Variants in EBF3 observed in about 807,000 individuals in gnomAD.
EBF3 encodes transcription factor COE3.
EBF3 carries 18 observed loss-of-function variants against 77.1 expected under a neutral mutation model. The ratio of observed to expected loss-of-function variants is 0.23; its 90% CI spans 0.16 to 0.35. The LOEUF (loss-of-function observed/expected upper bound fraction) is 0.35, where lower values mean the gene tolerates loss of function less well. Among genes scored for constraint, EBF3 ranks in the 10% least tolerant of loss-of-function variants. EBF3 has a pLI of 1.00. For missense variants in EBF3, 558 were observed against 860.0 expected (o/e 0.65, Z 4.39); for synonymous variants, 350 against 343.5 (o/e 1.02, Z -0.21).
chr10:129,930,773 A>G (rs1463108412), intron 6 of EBF3, among the ~76,000 whole-genome samples: 1 of 144,658 alleles, frequency 6.9e-6, no homozygotes. Context: ...TCATATACCT[A>G]TATCTATACC....
chr10:129,904,299 G>A (rs1854981641), intron 6 of EBF3, among the ~76,000 whole-genome samples: 1 of 152,190 alleles, frequency 6.6e-6, no homozygotes, highest in African/African-American at 2.4e-5. Context: ...TCACCCCAGA[G>A]TCATCATTCC....
intron 10 of EBF3, among the ~76,000 whole-genome samples, chr10:129,860,178 G>A (rs1414324273): frequency 6.6e-6 from 1 of 152,052 alleles, no homozygotes; most frequent in Non-Finnish European, 1.5e-5. Context: ...ACTCCAAGCT[G>A]TTTTCAGAAG....
chr10:129,848,574 C>T lies in EBF3; in HGVS notation c.1040-94G>A, dbSNP rs894259063. The T allele has an allele frequency of 8.2e-5, 109 of 1,336,512 alleles. No homozygotes were observed. The highest frequency in any genetic ancestry group is 1.1e-4 in the Non-Finnish European group (106 of 928,742). 82.8% of individuals were successfully genotyped at this position (1,336,512 alleles called of 1,614,324 possible). On this transcript the variant is annotated intron_variant, in intron 10 of 16. Coordinates refer to ENST00000440978, the MANE Select transcript of EBF3 (RefSeq NM_001375380.1). The surrounding 1 kb of genome is among the most constrained non-coding windows in gnomAD (Gnocchi z 4.4). ...CACTTACAAATAAATGTGTAGTTCT[C>T]CTGCTCTGATGCTCTCTAAGGCAAG...
Position 129,842,392 on chromosome 10 carries a change from G to T in EBF3, c.1195-99C>A. 7.3e-7 allele frequency: 1 copy of T among 1,368,726 alleles called. No individual in the cohort carries two copies. The highest frequency in any genetic ancestry group is 9.8e-7 in the Non-Finnish European group (1 of 1,016,902). 84.8% of individuals were successfully genotyped at this position (1,368,726 alleles called of 1,614,324 possible). A position where few individuals can be genotyped will look rare whatever the true frequency, so the allele number is the denominator to read the frequency against. On this transcript the variant is annotated intron_variant, in intron 12 of 16. Transcript: ENST00000440978. The surrounding 1 kb of genome is among the most constrained non-coding windows in gnomAD (Gnocchi z 4.4). ...CCATGGTGGCATCCCACTGTCCCTTGCCCAGACCATGACCAAATCTATTTC... is the reference window on the plus strand; with the variant it reads ...CCATGGTGGCATCCCACTGTCCCTTTCCCAGACCATGACCAAATCTATTTC...
chr10:129,849,473 C>G (rs1850705464), intron 10 of EBF3, among the ~76,000 whole-genome samples: 1 of 152,218 alleles, frequency 6.6e-6, no homozygotes, highest in Non-Finnish European at 1.5e-5. Flanking sequence ...GATTAACACG[C>G]CCCACCTCAG....
At chr10:129,959,415 A>G (rs930727418) in intron 4 of EBF3, among the ~76,000 whole-genome samples, 1 of 152,034 alleles carries the variant, frequency 6.6e-6, no homozygotes, top group Non-Finnish European at 1.5e-5. Flanking sequence ...CCGCGTCCTC[A>G]GGCCATTGTC....
rs111569884 is a variant in EBF3, at chr10:129,928,786, G to A, written c.554+28472C>T. Among the ~76,000 whole-genome samples the A allele has an allele frequency of 2.6e-3, 397 of 152,232 alleles. 2 individuals are homozygous for A. The highest frequency in any genetic ancestry group is 9.3e-3 in the African/African-American group (385 of 41,528). On this transcript the variant is annotated intron_variant, in intron 6 of 16. Transcript: ENST00000440978. ...TTTTCTGTTCTGAGAGTCAGTTTAC[G>A]GCTGACCATTGAGATGAGCACTGCA...
rs72837150 is a variant in EBF3, at chr10:129,871,365, A to T, written c.781+2087T>A. Among the ~76,000 whole-genome samples, 879 of 152,332 alleles carry T rather than the reference A, an allele frequency of 5.8e-3. 5 individuals carry two copies. The highest frequency in any genetic ancestry group is 0.01 in the Non-Finnish European group (709 of 68,032). ...GCCTTGCTTTTTGTGAGCTCAAAGG[A>T]CGCCGTGGCAGACATCCACAGCAGC... On this transcript the variant is annotated intron_variant, in intron 8 of 16. Coordinates refer to ENST00000440978, the MANE Select transcript of EBF3 (RefSeq NM_001375380.1).
At chr10:129,927,802 T>C (rs1856772865) in intron 6 of EBF3, among the ~76,000 whole-genome samples, 1 of 152,304 alleles carries the variant, frequency 6.6e-6, no homozygotes, top group African/African-American at 2.4e-5. Context: ...GAGTCTGCTA[T>C]GTAAGCAGCT....
chr10:129,963,641 G>A lies in EBF3; in HGVS notation c.128C>T (p.Ala43Val). ...TAGVVDANTA[A>V]QSGVGLARAH... is the part of the protein sequence containing the mutation. Reference sequence around the variant, plus strand: ...GGGGGCGGCCGGTACGTACCTCTGGGCGGCCGTGTTGGCGTCCACCACGCC... The same window carrying A: ...GGGGGCGGCCGGTACGTACCTCTGGACGGCCGTGTTGGCGTCCACCACGCC... The change falls in exon 1 of 17, where the codon GCC becomes GTC. Residue 43 changes from alanine to valine, a missense_variant. By Grantham distance (64) the Ala-to-Val change is moderately conservative. Transcript: ENST00000440978. This position sits in a 1 kb window ranked among gnomAD's most constrained non-coding sequence, Gnocchi z 7.1. 6.8e-7 allele frequency: 1 copy of A among 1,469,794 alleles called. No individual in the cohort carries two copies. Among genetic ancestry groups the A allele is most frequent in the Admixed American group, 2.0e-5 (1 of 49,324 alleles). 91.0% of individuals were successfully genotyped at this position (1,469,794 alleles called of 1,614,324 possible). A position where few individuals can be genotyped will look rare whatever the true frequency, so the allele number is the denominator to read the frequency against.
At chr10:129,946,426 C>A (rs138610277) in intron 6 of EBF3, among the ~76,000 whole-genome samples, 11 of 152,310 alleles carry the variant, frequency 7.2e-5, no homozygotes, top group African/African-American at 2.4e-4. Context: ...GACAAATGTC[C>A]CGAACCCGGT....
Position 129,873,479 on chromosome 10 carries a change from C to A in EBF3, c.754G>T (p.Gly252Cys). The A allele has an allele frequency of 6.3e-7, 1 of 1,579,986 alleles. No individual in the cohort carries two copies. Among genetic ancestry groups the A allele is most frequent in the Non-Finnish European group, 8.6e-7 (1 of 1,160,674 alleles). ...TTTTCCAGATAAGAAGGGGCCGTAC[C>A]TTCTGACGGGTCTAGGCGGCGGGCC... ...RRARRLDPSE[G>C]TAPSYLENAT... The change falls in exon 8 of 17, where the codon GGT becomes TGT. Residue 252 changes from glycine (G) to cysteine (C), a missense_variant. Gly to Cys is a radical substitution (Grantham distance 159). Coordinates refer to ENST00000440978, the MANE Select transcript of EBF3 (RefSeq NM_001375380.1).
rs1850165047 is a variant in EBF3, at chr10:129,842,721, C to G, written c.1194+416G>C. On this transcript the variant is annotated intron_variant, in intron 12 of 16. Coordinates refer to ENST00000440978, the MANE Select transcript of EBF3 (RefSeq NM_001375380.1). This position sits in a 1 kb window ranked among gnomAD's most constrained non-coding sequence, Gnocchi z 4.4. ...GGAGGTTGCAGTGAACCGACACTGC[C>G]CTACTGCACTCCAGCCTGGGTGACA... is the stretch of plus-strand genomic sequence containing the variant. 6.8e-6 allele frequency among the ~76,000 whole-genome samples: 1 copy of G among 147,424 alleles called. No individual in the cohort carries two copies. The highest frequency in any genetic ancestry group is 2.6e-5 in the African/African-American group (1 of 39,142).
chr10:129,937,010 T>G (rs1246350826), intron 6 of EBF3, among the ~76,000 whole-genome samples: 1 of 152,190 alleles, frequency 6.6e-6, no homozygotes, highest in Non-Finnish European at 1.5e-5. Flanking sequence ...CCCGCGACAG[T>G]GCATCTCCTA....
rs189349474 is a variant in EBF3, at chr10:129,924,204, C to G, written c.554+33054G>C. 8.1e-4 allele frequency among the ~76,000 whole-genome samples: 123 copies of G among 152,258 alleles called. 1 individual carries two copies. Among genetic ancestry groups the G allele is most frequent in the African/African-American group, 2.9e-3 (119 of 41,540 alleles). Reference sequence around the variant, plus strand: ...CCAAGGCAGGTGGATCACCTGAGGTCAAGAGATCGAGAACAGCCTGGCCAA... The same window carrying G: ...CCAAGGCAGGTGGATCACCTGAGGTGAAGAGATCGAGAACAGCCTGGCCAA... On this transcript the variant is annotated intron_variant, in intron 6 of 16. Transcript: ENST00000440978.
intron 4 of EBF3, among the ~76,000 whole-genome samples, chr10:129,961,782 G>T (rs769730448): frequency 6.6e-6 from 1 of 152,102 alleles, no homozygotes; most frequent in Admixed American, 6.5e-5. Context: ...AGTCCAACTC[G>T]ATGGGCTTAG....
At chr10:129,868,006 GA>G (rs1852150662) in intron 8 of EBF3, 94 bp from the exon 9 acceptor site, 96 of 1,535,116 alleles carry the variant, frequency 6.3e-5, no homozygotes, top group Middle Eastern at 2.0e-4. Context: ...GCCACCGCGG[GA>G]GGAGAGGCGC....
intron 10 of EBF3, among the ~76,000 whole-genome samples, chr10:129,862,224 G>A (rs914925475): frequency 6.6e-6 from 1 of 152,186 alleles, no homozygotes; most frequent in African/African-American, 2.4e-5. Flanking sequence ...AGCAATTACT[G>A]GTTGAGTAAC....
Position 129,963,901 on chromosome 10 carries a change from G to T in EBF3, c.-133C>A, listed in dbSNP as rs908310190. The T allele has an allele frequency of 5.2e-6, 6 of 1,145,476 alleles. No homozygotes were observed. In the Admixed American group the frequency reaches 2.5e-4, roughly 49 times the overall value. 71.0% of individuals were successfully genotyped at this position (1,145,476 alleles called of 1,614,324 possible). On this transcript the variant is annotated 5_prime_UTR_variant, in exon 1 of 17. Coordinates refer to ENST00000440978, the MANE Select transcript of EBF3 (RefSeq NM_001375380.1). This position sits in a 1 kb window ranked among gnomAD's most constrained non-coding sequence, Gnocchi z 7.1. ...GCGCCTGCGGTCCGGCCCCGCCGCCGGCTTCAGCCCGTCCCGGGCAGGCGC... is the reference window on the plus strand; with the variant it reads ...GCGCCTGCGGTCCGGCCCCGCCGCCTGCTTCAGCCCGTCCCGGGCAGGCGC...
Sources: allele counts gnomAD v4.1 joint callset (sites outside exome capture counted in the v4.1 genomes callset), GRCh38; gene constraint gnomAD v4.1.1; non-coding constraint Gnocchi (gnomAD v3.1); transcripts MANE v1.5; gene names NCBI Gene and HGNC (gene_info 2026-07-23, HGNC 2026-07-21).